PJA2: variants seen among roughly 807,000 people sequenced by gnomAD.
PJA2 encodes the protein E3 ubiquitin-protein ligase Praja-2.
A neutral mutation model predicts 69.3 loss-of-function variants in PJA2; 25 were observed. The ratio of observed to expected loss-of-function variants is 0.36; its 90% CI spans 0.26 to 0.50. PJA2 has a LOEUF of 0.50. PJA2 is among the 20% of genes least tolerant of loss of function. PJA2 has a pLI of 0.96. For missense variants in PJA2, 809 were observed against 830.2 expected, an observed-to-expected ratio of 0.97 and a Z score of 0.31; for synonymous variants, 308 against 277.8, an observed-to-expected ratio of 1.11 and a Z score of -1.08.
In PJA2 at chr5:109,379,281, T is replaced by C. The variant is rs756502281; in HGVS notation, c.233-27A>G. The C allele has an allele frequency of 1.0e-5, 15 of 1,479,964 alleles. No individual in the cohort carries two copies. In the East Asian group the frequency reaches 3.0e-4, roughly 30 times the overall value. The allele number at this position is 1,479,964 out of a possible 1,614,324, so 91.7% of individuals were successfully genotyped here. ...TTCATAAAAAACAAAAGAAAACATA[T>C]TTTAAAGGATTAACTTAGATAAAAT... is the stretch of plus-strand genomic sequence containing the variant. On this transcript the variant is annotated intron_variant, in intron 3 of 9. Transcript: ENST00000361189.
chr5:109,355,130 A>C (rs1762392521), intron 7 of PJA2, among the ~76,000 whole-genome samples: 1 of 152,136 alleles, frequency 6.6e-6, no homozygotes, highest in Admixed American at 6.5e-5. Flanking sequence ...TCTCAAAAAT[A>C]AATAAATATA....
At chr5:109,372,923 A>AAAAAAAAAAAAAAAAAAAAAAAAAG (rs1272538036) in intron 4 of PJA2, among the ~76,000 whole-genome samples, 3 of 136,876 alleles carry the variant, frequency 2.2e-5, no homozygotes, top group Non-Finnish European at 3.1e-5. Context: ...AAAAAAAAAA[A>AAAAAAAAAAAAAAAAAAAAAAAAAG]AAAGAAAGAA....
intron 7 of PJA2, among the ~76,000 whole-genome samples, chr5:109,348,941 T>C (rs550951323): frequency 1.3e-5 from 2 of 152,234 alleles, no homozygotes; most frequent in African/African-American, 4.8e-5. Context: ...TCTATTTCAA[T>C]ATGCCAGTTG....
intron 5 of PJA2, among the ~76,000 whole-genome samples, chr5:109,367,415 A>G (rs984779101): frequency 4.0e-5 from 6 of 151,872 alleles, no homozygotes; most frequent in Non-Finnish European, 2.9e-5. Flanking sequence ...TAATTTACCA[A>G]AATAGTTCCC....
chr5:109,352,191 G>T (rs1316754199), intron 7 of PJA2, among the ~76,000 whole-genome samples: 1 of 152,132 alleles, frequency 6.6e-6, no homozygotes, highest in East Asian at 1.9e-4. Flanking sequence ...CTTGCCTTTT[G>T]TCTTAGTTCA....
chr5:109,363,091 C>A lies in PJA2; in HGVS notation c.1470-69G>T, dbSNP rs961676964. 13 of 1,318,524 alleles carry A rather than the reference C, an allele frequency of 9.9e-6. No individual in the cohort carries two copies. The African/African-American group carries it at 1.8e-4, about 18-fold the overall frequency. The allele number at this position is 1,318,524 out of a possible 1,614,324, so 81.7% of individuals were successfully genotyped here. A position where few individuals can be genotyped will look rare whatever the true frequency, so the allele number is the denominator to read the frequency against. ...ACATACCATAACACTGTCTTTAATT[C>A]TATTCCATGCAAGTGGATTCTGTTG... On this transcript the variant is annotated intron_variant, in intron 5 of 9. Transcript: ENST00000361189.
chr5:109,387,246 C>T (rs1392426093), intron 1 of PJA2, among the ~76,000 whole-genome samples: 1 of 152,068 alleles, frequency 6.6e-6, no homozygotes, highest in African/African-American at 2.4e-5. Context: ...TGAATATAGA[C>T]TAGAATCTCT....
chr5:109,386,000 G>A (rs1457559166), intron 1 of PJA2, among the ~76,000 whole-genome samples: 1 of 151,920 alleles, frequency 6.6e-6, no homozygotes, highest in African/African-American at 2.4e-5. Flanking sequence ...AAATTATGGT[G>A]CCATATTGGC....
At chr5:109,380,804 C>CAA (rs34675958) in intron 3 of PJA2, among the ~76,000 whole-genome samples, 44,158 of 88,226 alleles carry the variant, frequency 0.5, 11,370 homozygotes, top group Middle Eastern at 0.61. Flanking sequence ...GATTCCATCT[C>CAA]AAAAAAAAAA....
At chr5:109,373,287 T>C (rs1338330811) in intron 4 of PJA2, among the ~76,000 whole-genome samples, 2 of 152,022 alleles carry the variant, frequency 1.3e-5, no homozygotes, top group African/African-American at 2.4e-5. Flanking sequence ...AACTCAAGGT[T>C]GAGAGACAGA....
intron 7 of PJA2, among the ~76,000 whole-genome samples, chr5:109,354,194 A>G (rs62643551): frequency 0.11 from 6,224 of 57,086 alleles, 1,365 homozygotes; most frequent in Non-Finnish European, 0.21. Flanking sequence ...TATCTATGAT[A>G]TCTAGAGATA....
intron 7 of PJA2, among the ~76,000 whole-genome samples, chr5:109,353,790 T>C (rs997274211): frequency 7.2e-6 from 1 of 139,642 alleles, no homozygotes; most frequent in African/African-American, 2.6e-5. Context: ...TAGATGTCTA[T>C]GATATCTAGA....
At chr5:109,364,137 T>C (rs530934739) in intron 5 of PJA2, among the ~76,000 whole-genome samples, 1 of 152,148 alleles carries the variant, frequency 6.6e-6, no homozygotes, top group African/African-American at 2.4e-5. Flanking sequence ...AGCGAGACTG[T>C]GTCTCAAAAA....
chr5:109,389,127 G>A (rs1747228547), intron 1 of PJA2, among the ~76,000 whole-genome samples: 1 of 152,042 alleles, frequency 6.6e-6, no homozygotes. Context: ...TCATGCTTTT[G>A]TCAGGTTTTC....
At chr5:109,340,619 C>T (rs1167207533) in intron 9 of PJA2, among the ~76,000 whole-genome samples, 1 of 522 alleles carries the variant, frequency 1.9e-3, no homozygotes, top group African/African-American at 0.013. Flanking sequence ...TTATTGGGTC[C>T]CTCCCCCTCC....
At chr5:109,347,802 T>C (rs1218589275) in intron 7 of PJA2, among the ~76,000 whole-genome samples, 3 of 152,248 alleles carry the variant, frequency 2.0e-5, no homozygotes, top group East Asian at 3.8e-4. Context: ...CTATATTCTT[T>C]AGAGTTTGCT....
chr5:109,400,701 C>T (rs1040959154), intron 1 of PJA2, among the ~76,000 whole-genome samples: 4 of 152,030 alleles, frequency 2.6e-5, no homozygotes, highest in Admixed American at 6.6e-5. Flanking sequence ...ATGATATGGC[C>T]GGGCATGGTG....
rs574960372 is a variant in PJA2, at chr5:109,409,956, TGGCGGC to T, written c.-208_-203del. 4 of 210,910 alleles carry T rather than the reference TGGCGGC, an allele frequency of 1.9e-5. No individual in the cohort carries two copies. The highest frequency in any genetic ancestry group is 5.8e-5 in the South Asian group (1 of 17,284). The allele number at this position is 210,910 out of a possible 1,614,324, so 13.1% of individuals were successfully genotyped here. ...CCGAACGCGAAGCGGCTGGCGGCTG[TGGCGGC>T]GGCGGCGGCGGTGGCGGCGGCGGAA... On this transcript the variant is annotated 5_prime_UTR_variant, in exon 1 of 10. Coordinates refer to ENST00000361189, the MANE Select transcript of PJA2 (RefSeq NM_014819.5).
chr5:109,398,626 T>C (rs1268658719), intron 1 of PJA2, among the ~76,000 whole-genome samples: 11 of 53,124 alleles, frequency 2.1e-4, no homozygotes, highest in Non-Finnish European at 3.0e-4. Context: ...CGGGGCCTGT[T>C]GTGGGGTGGG....
Sources: gnomAD v4.1 joint callset for allele counts (sites outside exome capture counted in the v4.1 genomes callset) on GRCh38, gnomAD v4.1.1 for gene constraint, MANE v1.5 for transcripts, NCBI Gene and HGNC (gene_info 2026-07-23, HGNC 2026-07-21) for gene names.